Variants in BRINP1 observed in about 807,000 individuals in gnomAD.
The protein encoded by BRINP1 is BMP/retinoic acid-inducible neural-specific protein 1.
A neutral mutation model predicts 72.9 loss-of-function variants in BRINP1; 17 were observed. The ratio of observed to expected loss-of-function variants is 0.23; its 90% CI spans 0.16 to 0.35. BRINP1 has a LOEUF of 0.35. Ranked by LOEUF, BRINP1 falls within the 10% of genes least tolerant of loss-of-function variation. BRINP1 has a pLI of 1.00. For missense variants in BRINP1, 850 were observed against 1,001.6 expected (o/e 0.85, Z 2.04); for synonymous variants, 418 against 378.5 (o/e 1.10, Z -1.21).
At position 119,213,960 on chromosome 9, in the gene BRINP1, G is replaced by A. The variant is rs1050537236; in HGVS notation, c.881C>T (p.Ala294Val). ...QIMEYTLANM[A>V]KSWAEAYKDL... ...CTTATAAGCTTCGGCCCAAGACTTG[G>A]CCATGTTGGCCAGCGTGTACTCCAT... The change falls in exon 6 of 8, where the codon GCC (alanine) becomes GTC (valine). Residue 294 changes from alanine (A) to valine (V), a missense_variant. Ala to Val is a moderately conservative substitution (Grantham distance 64). Coordinates refer to ENST00000265922, the MANE Select transcript of BRINP1 (RefSeq NM_014618.3). 6.2e-7 allele frequency: 1 copy of A among 1,614,058 alleles called. No individual in the cohort carries two copies. The highest frequency in any genetic ancestry group is 1.3e-5 in the African/African-American group (1 of 74,924).
intron 1 of BRINP1, 53 bp from the exon 2 acceptor site, chr9:119,313,458 G>C: frequency 2.1e-6 from 3 of 1,448,892 alleles, no homozygotes; most frequent in Non-Finnish European, 2.7e-6. Flanking sequence ...CCAAAAGAGA[G>C]AGAGGAGAGG....
chr9:119,207,676 C>T (rs1171985908), intron 7 of BRINP1, among the ~76,000 whole-genome samples: 1 of 152,180 alleles, frequency 6.6e-6, no homozygotes, highest in Non-Finnish European at 1.5e-5. Context: ...AATTACTTGA[C>T]CTCTCTCAGC....
intron 1 of BRINP1, among the ~76,000 whole-genome samples, chr9:119,337,615 T>A (rs564136906): frequency 6.6e-6 from 1 of 152,350 alleles, no homozygotes; most frequent in South Asian, 2.1e-4. Context: ...ACATCTAACC[T>A]AATTCCCTAG....
In BRINP1 at chr9:119,337,179, C is replaced by T. The variant is rs567877672; in HGVS notation, c.-50-23774G>A. Among the ~76,000 whole-genome samples, 10 of 152,268 alleles carry T rather than the reference C, an allele frequency of 6.6e-5. No individual in the cohort carries two copies. The South Asian group carries it at 1.7e-3, about 25-fold the overall frequency. The stretch of plus-strand genomic sequence containing the variant: ...AATAAACAGCCCCTAACATTGATTC[C>T]ATCTTGTCAATGATGACGAATTTTT... On this transcript the variant is annotated intron_variant, in intron 1 of 7. Transcript: ENST00000265922.
chr9:119,278,435 A>G (rs758416075), intron 2 of BRINP1, among the ~76,000 whole-genome samples: 20 of 152,226 alleles, frequency 1.3e-4, no homozygotes, highest in Non-Finnish European at 2.2e-4. Context: ...TATAGAGCCT[A>G]TTAGAGAACC....
chr9:119,233,254 T>G (rs1039299967), intron 5 of BRINP1, among the ~76,000 whole-genome samples: 1 of 152,112 alleles, frequency 6.6e-6, no homozygotes, highest in African/African-American at 2.4e-5. Context: ...AAACTGCAGT[T>G]CAGCCACTTA....
intron 5 of BRINP1, among the ~76,000 whole-genome samples, chr9:119,228,036 C>T (rs10115898): frequency 0.097 from 14,764 of 152,056 alleles, 881 homozygotes; most frequent in African/African-American, 0.17. Flanking sequence ...GTCATCTTCG[C>T]TCCATCTGTG....
intron 2 of BRINP1, among the ~76,000 whole-genome samples, chr9:119,272,364 T>C (rs1276918450): frequency 6.6e-6 from 1 of 152,052 alleles, no homozygotes; most frequent in Admixed American, 6.6e-5. Context: ...ATTATAGGAG[T>C]GAGCCACTGC....
chr9:119,341,993 C>T (rs1419919521), intron 1 of BRINP1, among the ~76,000 whole-genome samples: 2 of 152,058 alleles, frequency 1.3e-5, no homozygotes, highest in African/African-American at 4.8e-5. Flanking sequence ...CTCTCGAACT[C>T]CTGACCTCAG....
chr9:119,346,784 C>T (rs545154619), intron 1 of BRINP1, among the ~76,000 whole-genome samples: 5 of 152,320 alleles, frequency 3.3e-5, no homozygotes, highest in South Asian at 2.1e-4. Flanking sequence ...CTTCAAGGAA[C>T]TTAAAATGCT....
chr9:119,338,533 A>G (rs1056127749), intron 1 of BRINP1, among the ~76,000 whole-genome samples: 18 of 151,210 alleles, frequency 1.2e-4, no homozygotes, highest in East Asian at 5.9e-4. Flanking sequence ...TCTTCTCTCC[A>G]TAAGTGGAGA....
intron 1 of BRINP1, among the ~76,000 whole-genome samples, chr9:119,346,869 C>A (rs1011422534): frequency 6.6e-6 from 1 of 152,108 alleles, no homozygotes; most frequent in Non-Finnish European, 1.5e-5. Flanking sequence ...TGGGGTTCTG[C>A]CTGTGGTGGA....
rs867325750 is a variant in BRINP1, at chr9:119,172,389, G to T, written c.1146-4165C>A. 3.3e-3 allele frequency among the ~76,000 whole-genome samples: 495 copies of T among 152,298 alleles called. 1 individual carries two copies. Among genetic ancestry groups the T allele is most frequent in the African/African-American group, 0.011 (460 of 41,564 alleles). Reference sequence around the variant, plus strand: ...TAAACTAGAAAATCTAGAAGAAATGGATAAATTCCTCCACACATACGCTCT... The same window carrying T: ...TAAACTAGAAAATCTAGAAGAAATGTATAAATTCCTCCACACATACGCTCT... On this transcript the variant is annotated intron_variant, in intron 7 of 7. Coordinates refer to ENST00000265922, the MANE Select transcript of BRINP1 (RefSeq NM_014618.3).
At chr9:119,248,340 C>T (rs1830344465) in intron 3 of BRINP1, among the ~76,000 whole-genome samples, 1 of 152,232 alleles carries the variant, frequency 6.6e-6, no homozygotes, top group Non-Finnish European at 1.5e-5. Context: ...AGGCAAGATC[C>T]ACAAGCATCT....
chr9:119,167,846 G>A lies in BRINP1; in HGVS notation c.1524C>T (p.Asn508=), dbSNP rs1451364922. Residue 508 remains asparagine, a synonymous_variant, in exon 8 of 8, where the codon AAC becomes AAT. Coordinates refer to ENST00000265922, the MANE Select transcript of BRINP1 (RefSeq NM_014618.3). The surrounding 1 kb of genome is among the most constrained non-coding windows in gnomAD (Gnocchi z 4.3). ...RLYVHTTFIS[N]EIRLDTFFDP... ...CAAAGAAGGTGTCGAGGCGGATCTC[G>A]TTGCTGATGAAGGTGGTGTGGACGT... The A allele has an allele frequency of 3.1e-6, 5 of 1,614,088 alleles. No homozygotes were observed. The highest frequency in any genetic ancestry group is 2.2e-5 in the South Asian group (2 of 91,082).
rs1588189154 is a variant in BRINP1, at chr9:119,280,006, A to G, written c.219-30856T>C. Among the ~76,000 whole-genome samples, 3 of 152,190 alleles carry G rather than the reference A, an allele frequency of 2.0e-5. No homozygotes were observed. In the South Asian group the frequency reaches 6.2e-4, roughly 32 times the overall value. On this transcript the variant is annotated intron_variant, in intron 2 of 7. Coordinates refer to ENST00000265922, the MANE Select transcript of BRINP1 (RefSeq NM_014618.3). ...AAAATGCTATATGTACAAAAAGATC[A>G]TAACATCTTTTGTTATAATTTGAAA...
At chr9:119,319,824 C>T (rs1831165981) in intron 1 of BRINP1, among the ~76,000 whole-genome samples, 1 of 152,202 alleles carries the variant, frequency 6.6e-6, no homozygotes, top group Admixed American at 6.5e-5. Flanking sequence ...GTGAATATCC[C>T]ATTACACAGT....
chr9:119,261,818 C>T (rs565459447), intron 2 of BRINP1, among the ~76,000 whole-genome samples: 16 of 150,640 alleles, frequency 1.1e-4, no homozygotes, highest in South Asian at 8.5e-4. Context: ...TTTCTTCCTT[C>T]GTTTATTCTT....
intron 7 of BRINP1, among the ~76,000 whole-genome samples, chr9:119,205,468 C>T (rs917601436): frequency 1.4e-4 from 21 of 152,106 alleles, no homozygotes; most frequent in Admixed American, 3.9e-4. Context: ...TTACACCTGA[C>T]GACTTGCAGA....
Sources: allele counts gnomAD v4.1 joint callset (sites outside exome capture counted in the v4.1 genomes callset), GRCh38; gene constraint gnomAD v4.1.1; non-coding constraint Gnocchi (gnomAD v3.1); transcripts MANE v1.5; gene names NCBI Gene and HGNC (gene_info 2026-07-23, HGNC 2026-07-21).